The following MARCHF1 variants were observed in gnomAD, a reference collection of about 807,000 sequenced individuals.
MARCHF1 encodes the protein E3 ubiquitin-protein ligase MARCHF1.
MARCHF1 carries 40 observed loss-of-function variants against 54.2 expected under a neutral mutation model. The observed-to-expected ratio is 0.74, with a 90% CI of 0.57 to 0.96. The LOEUF (loss-of-function observed/expected upper bound fraction) is 0.96, where lower values mean the gene tolerates loss of function less well. Among genes scored for constraint, MARCHF1 ranks in the 40% least tolerant of loss-of-function variants. The pLI is 0.00. For synonymous variants in MARCHF1, 236 were observed against 236.3 expected, an observed-to-expected ratio of 1.00 and a Z score of 0.01; for missense variants, 586 against 656.5, an observed-to-expected ratio of 0.89 and a Z score of 1.17.
intron 4 of MARCHF1, among the ~76,000 whole-genome samples, chr4:163,743,957 C>A (rs1037951217): frequency 6.6e-6 from 1 of 152,192 alleles, no homozygotes; most frequent in African/African-American, 2.4e-5. Flanking sequence ...ACAGCTCCAG[C>A]ACTGGTTAGG....
intron 1 of MARCHF1, among the ~76,000 whole-genome samples, chr4:164,217,549 C>G (rs976151507): frequency 6.6e-6 from 1 of 152,180 alleles, no homozygotes; most frequent in Admixed American, 6.5e-5. Context: ...ATTTTAATCA[C>G]AATGACATAA....
chr4:163,870,262 T>C (rs1750141912), intron 3 of MARCHF1, among the ~76,000 whole-genome samples: 1 of 152,116 alleles, frequency 6.6e-6, no homozygotes, highest in African/African-American at 2.4e-5. Flanking sequence ...GTCTAATTGC[T>C]CTAAATTACT....
chr4:163,805,420 A>G (rs145622481), intron 4 of MARCHF1, among the ~76,000 whole-genome samples: 2,283 of 152,248 alleles, frequency 0.015, 35 homozygotes, highest in African/African-American at 0.032. Context: ...TTAAAAAATG[A>G]GTTTTAAGAG....
chr4:164,188,466 T>C (rs1731035481), intron 1 of MARCHF1: 2 of 652,018 alleles, frequency 3.1e-6, no homozygotes, highest in South Asian at 3.3e-5. Context: ...GTGGGCACGG[T>C]GGTCTGCGTC....
At chr4:163,933,553 C>A (rs188992072) in intron 3 of MARCHF1, among the ~76,000 whole-genome samples, 1 of 152,252 alleles carries the variant, frequency 6.6e-6, no homozygotes, top group East Asian at 1.9e-4. Context: ...TAATCTGAAC[C>A]AGTTCTGCAA....
intron 5 of MARCHF1, among the ~76,000 whole-genome samples, chr4:163,663,299 C>A (rs1743413979): frequency 6.6e-6 from 1 of 150,752 alleles, no homozygotes; most frequent in Admixed American, 6.6e-5. Context: ...TCTGTTTCTG[C>A]CTGGGCACTG....
intron 2 of MARCHF1, among the ~76,000 whole-genome samples, chr4:164,039,832 T>C (rs989125414): frequency 2.6e-5 from 4 of 151,756 alleles, no homozygotes; most frequent in Non-Finnish European, 5.9e-5. Context: ...TTTGAATAGG[T>C]AGATTTTTAG....
At chr4:164,045,222 C>T (rs975337612) in intron 2 of MARCHF1, among the ~76,000 whole-genome samples, 11 of 151,962 alleles carry the variant, frequency 7.2e-5, no homozygotes, top group Admixed American at 1.3e-4. Context: ...TTTAAATTAA[C>T]GTTTTTTGGC....
At chr4:163,889,164 A>G (rs889304339) in intron 3 of MARCHF1, among the ~76,000 whole-genome samples, 1 of 152,188 alleles carries the variant, frequency 6.6e-6, no homozygotes, top group African/African-American at 2.4e-5. Flanking sequence ...AGTTTATCAC[A>G]TATATTACAT....
At chr4:164,030,473 T>C (rs1190081163) in intron 2 of MARCHF1, among the ~76,000 whole-genome samples, 4 of 152,222 alleles carry the variant, frequency 2.6e-5, no homozygotes, top group African/African-American at 9.6e-5. Flanking sequence ...TGCATTCTGC[T>C]TCAAGATCAA....
intron 1 of MARCHF1, among the ~76,000 whole-genome samples, chr4:164,214,972 C>A (rs1364402509): frequency 2.0e-5 from 3 of 152,172 alleles, no homozygotes; most frequent in Non-Finnish European, 4.4e-5. Context: ...GGGCTCTGAC[C>A]CCACGGCAGT....
chr4:163,725,216 G>C (rs756815932), intron 4 of MARCHF1, among the ~76,000 whole-genome samples: 1 of 152,126 alleles, frequency 6.6e-6, no homozygotes, highest in Non-Finnish European at 1.5e-5. Context: ...TAACATTATA[G>C]TTTATTTTAC....
At chr4:164,181,689 T>C (rs1293376468) in intron 1 of MARCHF1, among the ~76,000 whole-genome samples, 1 of 152,176 alleles carries the variant, frequency 6.6e-6, no homozygotes, top group African/African-American at 2.4e-5. Flanking sequence ...ATGAAATAGA[T>C]GTGATAAGCG....
chr4:163,877,282 C>T (rs1031171582), intron 3 of MARCHF1, among the ~76,000 whole-genome samples: 6 of 152,076 alleles, frequency 3.9e-5, no homozygotes, highest in Non-Finnish European at 7.4e-5. Context: ...TCAATATGTT[C>T]ACCATTTATC....
At chr4:164,172,945 C>T (rs1288894614) in intron 1 of MARCHF1, among the ~76,000 whole-genome samples, 2 of 146,466 alleles carry the variant, frequency 1.4e-5, no homozygotes, top group East Asian at 4.0e-4. Flanking sequence ...CACGCCACTG[C>T]ACTCCAGCCT....
At chr4:164,149,499 TCATAA>T (rs543371632) in intron 1 of MARCHF1, among the ~76,000 whole-genome samples, 4 of 152,192 alleles carry the variant, frequency 2.6e-5, no homozygotes, top group Admixed American at 2.6e-4. Flanking sequence ...GAAAAGTTTA[TCATAA>T]CATATCGGCT....
chr4:164,190,028 C>A (rs1471823772), intron 1 of MARCHF1: 32 of 1,385,170 alleles, frequency 2.3e-5, no homozygotes, highest in Non-Finnish European at 3.2e-5. Flanking sequence ...CTGAGGAAGA[C>A]ACAAAGCTCA....
At chr4:163,605,326 T>C (rs1741106986) in intron 7 of MARCHF1, among the ~76,000 whole-genome samples, 1 of 152,078 alleles carries the variant, frequency 6.6e-6, no homozygotes, top group Admixed American at 6.6e-5. Flanking sequence ...CACTGGTCAT[T>C]AGAGAAATGC....
chr4:163,592,072 C>T (rs994475720), intron 7 of MARCHF1, among the ~76,000 whole-genome samples: 2 of 151,992 alleles, frequency 1.3e-5, no homozygotes, highest in African/African-American at 4.8e-5. Flanking sequence ...TTAACAGAAA[C>T]GAAGATAAAT....
Sources: gnomAD v4.1 joint callset for allele counts (sites outside exome capture counted in the v4.1 genomes callset) on GRCh38, gnomAD v4.1.1 for gene constraint, MANE v1.5 for transcripts, NCBI Gene and HGNC (gene_info 2026-07-23, HGNC 2026-07-21) for gene names.